The following CATSPERB variants were observed in gnomAD, a reference collection of about 807,000 sequenced individuals.
CATSPERB encodes catsper channel auxiliary subunit beta.
CATSPERB carries 93 observed loss-of-function variants against 128.3 expected under a neutral mutation model. The observed-to-expected ratio is 0.72, with a 90% confidence interval of 0.61 to 0.86. The LOEUF (loss-of-function observed/expected upper bound fraction) is 0.86, where lower values mean the gene tolerates loss of function less well. Ranked by LOEUF, CATSPERB falls within the 40% of genes least tolerant of loss-of-function variation. The probability of loss-of-function intolerance (pLI) is 0.00; values close to 1 mark genes in which losing one functional copy is unlikely to be tolerated. For missense variants in CATSPERB, 1,153 were observed against 1,329.5 expected (o/e 0.87, Z 2.06); for synonymous variants, 381 against 448.8 (o/e 0.85, Z 1.91).
chr14:91,696,752 C>T (rs1895568897), intron 7 of CATSPERB, among the ~76,000 whole-genome samples: 1 of 152,060 alleles, frequency 6.6e-6, no homozygotes, highest in African/African-American at 2.4e-5. Flanking sequence ...AATTGCACAA[C>T]AGATGTAAGA....
In CATSPERB at chr14:91,598,189, C is replaced by T. The variant is rs1595139771; in HGVS notation, c.2710-6187G>A. ...AAGCTTTTTTACCTAAAAATAAAAC[C>T]TCTTTATTTTTATAACTTTTTTTAC... On this transcript the variant is annotated intron_variant, in intron 22 of 26. Transcript: ENST00000256343. Among the ~76,000 whole-genome samples the T allele has an allele frequency of 2.0e-5, 3 of 151,586 alleles. 1 individual carries two copies. In the South Asian group the frequency reaches 6.3e-4, roughly 32 times the overall value.
rs1209285629 is a variant in CATSPERB, at chr14:91,690,327, A to G, written c.864+1196T>C. Among the ~76,000 whole-genome samples the G allele has an allele frequency of 2.0e-5, 3 of 151,842 alleles. No individual in the cohort carries two copies. In the Admixed American group the frequency reaches 2.0e-4, roughly 10 times the overall value. ...TTTTTATACCAATTCCATTCTTTGA[A>G]CACATATTTACTAAGTGCATACCTT... is the stretch of plus-strand genomic sequence containing the variant. On this transcript the variant is annotated intron_variant, in intron 10 of 26. Coordinates refer to ENST00000256343, the MANE Select transcript of CATSPERB (RefSeq NM_024764.4).
In CATSPERB at chr14:91,585,632, G is replaced by T. The variant is rs532258814; in HGVS notation, c.3132+1570C>A. Reference sequence around the variant, plus strand: ...AAAGTGTTTACCTGTACTGCATGGAGCATGGTTATAATAGCTAGTTTAGAA... The same window carrying T: ...AAAGTGTTTACCTGTACTGCATGGATCATGGTTATAATAGCTAGTTTAGAA... On this transcript the variant is annotated intron_variant, in intron 26 of 26. Transcript: ENST00000256343. Among the ~76,000 whole-genome samples, 61 of 152,230 alleles carry T rather than the reference G, an allele frequency of 4.0e-4. No homozygotes were observed. The South Asian group carries it at 0.013, about 32-fold the overall frequency.
chr14:91,639,712 G>A (rs1453362476), intron 15 of CATSPERB, among the ~76,000 whole-genome samples: 3 of 152,288 alleles, frequency 2.0e-5, no homozygotes, highest in African/African-American at 4.8e-5. Flanking sequence ...AGGGCGCCAC[G>A]TTGAGAGGCA....
At chr14:91,620,526 TCA>T (rs1387640775) in intron 19 of CATSPERB, among the ~76,000 whole-genome samples, 3 of 152,268 alleles carry the variant, frequency 2.0e-5, no homozygotes, top group Non-Finnish European at 4.4e-5. Flanking sequence ...TCTTCCTATC[TCA>T]GTTATTTACT....
At chr14:91,670,064 T>G (rs1327094533) in intron 13 of CATSPERB, 92 bp from the exon 14 acceptor site, 3 of 1,075,082 alleles carry the variant, frequency 2.8e-6, no homozygotes, top group Non-Finnish European at 1.4e-6. Flanking sequence ...AAGAGAGAGA[T>G]ACAATCACTA....
Position 91,723,102 on chromosome 14 carries a change from A to G in CATSPERB, c.256T>C (p.Leu86=). ...VFTSGGLAPS[L]GIMNSTYNGI... is the part of the protein sequence containing the mutation. ...TTATATGTACTATTCATGATTCCCAAGCTGGGAGCAAGTCCTCCTGATGTG... is the reference window on the plus strand; with the variant it reads ...TTATATGTACTATTCATGATTCCCAGGCTGGGAGCAAGTCCTCCTGATGTG... The change falls in exon 4 of 27, where the codon TTG becomes CTG. Residue 86 remains leucine (L), a synonymous_variant. Transcript: ENST00000256343. The G allele has an allele frequency of 6.4e-7, 1 of 1,553,204 alleles. No individual in the cohort carries two copies. Among genetic ancestry groups the G allele is most frequent in the Non-Finnish European group, 8.7e-7 (1 of 1,149,870 alleles).
chr14:91,708,122 T>A lies in CATSPERB; in HGVS notation c.466+19A>T, dbSNP rs1323336099. ...AAGAATATATGAATTCCATTTTACT[T>A]CTGTCTGTTGGCATTTACCTCGAAT... On this transcript the variant is annotated intron_variant, in intron 6 of 26. Transcript: ENST00000256343. 6.5e-7 allele frequency: 1 copy of A among 1,536,846 alleles called. No individual in the cohort carries two copies. The highest frequency in any genetic ancestry group is 2.3e-5 in the East Asian group (1 of 44,372).
At position 91,626,359 on chromosome 14, in the gene CATSPERB, C is replaced by CTTTT. The variant is rs71120179; in HGVS notation, c.1743-1356_1743-1353dup. Among the ~76,000 whole-genome samples, 140 of 76,856 alleles carry CTTTT rather than the reference C, an allele frequency of 1.8e-3. 5 individuals are homozygous for CTTTT. The highest frequency in any genetic ancestry group is 8.9e-3 in the East Asian group (19 of 2,124). The allele number at this position is 76,856 out of a possible 152,430, so 50.4% of individuals were successfully genotyped here. A position where few individuals can be genotyped will look rare whatever the true frequency, so the allele number is the denominator to read the frequency against. ...AATGCAAGAGTGTTGAGAGGTGGGA[C>CTTTT]TTTTTTTTTTTTTTTTTTTTTTTTG... is the stretch of plus-strand genomic sequence containing the variant. On this transcript the variant is annotated intron_variant, in intron 17 of 26. Coordinates refer to ENST00000256343, the MANE Select transcript of CATSPERB (RefSeq NM_024764.4).
At chr14:91,626,366 T>TTG (rs1894161159) in intron 17 of CATSPERB, among the ~76,000 whole-genome samples, 1 of 135,172 alleles carries the variant, frequency 7.4e-6, no homozygotes, top group East Asian at 2.1e-4. Context: ...GGACTTTTTT[T>TTG]TTTTTTTTTT....
At chr14:91,633,035 T>C (rs150398451) in intron 17 of CATSPERB, among the ~76,000 whole-genome samples, 1 of 152,296 alleles carries the variant, frequency 6.6e-6, no homozygotes, top group African/African-American at 2.4e-5. Flanking sequence ...TCTCCACAGT[T>C]AACTACCCTA....
chr14:91,707,294 T>C (rs940646360), intron 6 of CATSPERB, among the ~76,000 whole-genome samples: 3 of 152,184 alleles, frequency 2.0e-5, no homozygotes, highest in Non-Finnish European at 2.9e-5. Context: ...TATACCTCAG[T>C]ACATTCTAAA....
At chr14:91,600,721 G>A (rs182407818) in intron 22 of CATSPERB, among the ~76,000 whole-genome samples, 1 of 152,198 alleles carries the variant, frequency 6.6e-6, no homozygotes, top group South Asian at 2.1e-4. Context: ...TGCAAATCCT[G>A]CATGTTCTCA....
chr14:91,609,942 AT>A (rs1893792871), intron 21 of CATSPERB, among the ~76,000 whole-genome samples: 1 of 152,022 alleles, frequency 6.6e-6, no homozygotes, highest in Non-Finnish European at 1.5e-5. Context: ...GTTGGTCTCG[AT>A]ACCCTGACCT....
intron 14 of CATSPERB, among the ~76,000 whole-genome samples, chr14:91,666,516 G>T (rs1049881244): frequency 1.3e-5 from 2 of 152,278 alleles, no homozygotes; most frequent in East Asian, 3.9e-4. Flanking sequence ...AGAGAGCAGG[G>T]ATAGCTCTTG....
chr14:91,667,896 C>A (rs545049718), intron 14 of CATSPERB, among the ~76,000 whole-genome samples: 1 of 152,276 alleles, frequency 6.6e-6, no homozygotes, highest in African/African-American at 2.4e-5. Context: ...CACCTTTGGG[C>A]CCTGTATTTT....
rs1375802020 is a variant in CATSPERB at position 91,705,636 on chromosome 14, T to TC, written c.467-936dup. ...GCTCTAGTTTGTGGGGCTTTGAATA[T>TC]CTGTTTTTCTCACAACCCTATTTTT... On this transcript the variant is annotated intron_variant, in intron 6 of 26. Coordinates refer to ENST00000256343, the MANE Select transcript of CATSPERB (RefSeq NM_024764.4). Among the ~76,000 whole-genome samples the TC allele has an allele frequency of 5.3e-5, 8 of 152,316 alleles. No homozygotes were observed. In the East Asian group the frequency reaches 1.5e-3, roughly 29 times the overall value.
intron 18 of CATSPERB, among the ~76,000 whole-genome samples, chr14:91,624,403 G>A (rs903561150): frequency 1.3e-5 from 2 of 152,260 alleles, no homozygotes; most frequent in African/African-American, 4.8e-5. Flanking sequence ...AGAATTGCTT[G>A]AAGCCAGGAG....
chr14:91,718,163 A>G (rs368684592), intron 5 of CATSPERB, among the ~76,000 whole-genome samples: 1 of 152,236 alleles, frequency 6.6e-6, no homozygotes, highest in East Asian at 1.9e-4. Flanking sequence ...CCATCATTAT[A>G]TTAATAAGAG....
Sources: gnomAD v4.1 joint callset for allele counts (sites outside exome capture counted in the v4.1 genomes callset) on GRCh38, gnomAD v4.1.1 for gene constraint, MANE v1.5 for transcripts, NCBI Gene and HGNC (gene_info 2026-07-23, HGNC 2026-07-21) for gene names.